The following HHLA1 variants were observed in gnomAD, a reference collection of about 807,000 sequenced individuals.
The protein encoded by HHLA1 is HERV-H LTR-associating protein 1.
Under a neutral mutation model 69.9 loss-of-function variants are expected in HHLA1, and 72 were observed. The ratio of observed to expected loss-of-function variants is 1.03; its 90% CI spans 0.85 to 1.25. The LOEUF (loss-of-function observed/expected upper bound fraction) is 1.25, where lower values mean the gene tolerates loss of function less well. Ranked by LOEUF, HHLA1 falls within the 50% of genes most tolerant of loss-of-function variation. The pLI, the probability that HHLA1 is intolerant of heterozygous loss-of-function variation, is 0.00. For missense variants in HHLA1, 685 were observed against 642.2 expected, an observed-to-expected ratio of 1.07 and a Z score of -0.72; for synonymous variants, 252 against 233.2, an observed-to-expected ratio of 1.08 and a Z score of -0.73.
In HHLA1 at chr8:132,071,244, C is replaced by T. The variant is rs552083933; in HGVS notation, c.1469+96G>A. On this transcript the variant is annotated intron_variant, in intron 15 of 16. Coordinates refer to ENST00000414222, the MANE Select transcript of HHLA1 (RefSeq NM_001145095.3). ...ACCCCTACTGCCTGTCTGTGGATTG[C>T]TTATTGCCTGACTGCCTTGTGGCCT... 136 of 1,114,882 alleles carry T rather than the reference C, an allele frequency of 1.2e-4. No homozygotes were observed. In the African/African-American group the frequency reaches 2.0e-3, roughly 16 times the overall value. The allele number at this position is 1,114,882 out of a possible 1,614,324, so 69.1% of individuals were successfully genotyped here.
intron 1 of HHLA1, among the ~76,000 whole-genome samples, chr8:132,107,776 T>C (rs2130903202): frequency 6.6e-6 from 1 of 152,342 alleles, no homozygotes; most frequent in East Asian, 1.9e-4. Context: ...CCATTTGAAT[T>C]TGAGATAACA....
At chr8:132,105,357 T>A in intron 1 of HHLA1, 71 bp from the exon 2 acceptor site, 1 of 916,064 alleles carries the variant, frequency 1.1e-6, no homozygotes, top group Non-Finnish European at 1.8e-6. Context: ...GAACAGTGCG[T>A]GAGGAATCAT....
chr8:132,073,270 C>T (rs374322657), intron 14 of HHLA1, among the ~76,000 whole-genome samples: 37 of 152,272 alleles, frequency 2.4e-4, no homozygotes, highest in African/African-American at 8.7e-4. Context: ...TAAACCACCA[C>T]ATCTGGCCAG....
chr8:132,081,125 CA>C (rs1280868205), intron 10 of HHLA1: 11 of 141,702 alleles, frequency 7.8e-5, no homozygotes, highest in African/African-American at 2.9e-4. Context: ...GGGATAGCAC[CA>C]GTAGATATCA....
At chr8:132,083,659 C>T (rs531592342) in intron 10 of HHLA1, among the ~76,000 whole-genome samples, 19 of 152,274 alleles carry the variant, frequency 1.2e-4, no homozygotes, top group African/African-American at 3.8e-4. Context: ...TCCCAGGCTG[C>T]GGGCATTCCT....
intron 10 of HHLA1, among the ~76,000 whole-genome samples, chr8:132,082,493 T>C (rs4310188): frequency 0.91 from 137,680 of 152,002 alleles, 62,563 homozygotes; most frequent in Non-Finnish European, 0.93. Flanking sequence ...CAGTCGGACA[T>C]GATTGGCAGG....
chr8:132,079,582 T>C, intron 11 of HHLA1, 136 bp downstream of exon 11: 1 of 941,518 alleles, frequency 1.1e-6, no homozygotes, highest in Non-Finnish European at 1.6e-6. Flanking sequence ...TACAGATCTG[T>C]TATTTAAGTA....
intron 3 of HHLA1, among the ~76,000 whole-genome samples, chr8:132,102,963 C>T (rs1824135100): frequency 6.6e-6 from 1 of 151,978 alleles, no homozygotes; most frequent in African/African-American, 2.4e-5. Flanking sequence ...AAATAAGTTC[C>T]CTGACAGATT....
At chr8:132,099,407 A>G (rs1430588851) in intron 4 of HHLA1, among the ~76,000 whole-genome samples, 2 of 152,202 alleles carry the variant, frequency 1.3e-5, no homozygotes, top group East Asian at 3.8e-4. Flanking sequence ...TTAATTACAC[A>G]ATTCCAGTAC....
intron 10 of HHLA1, 62 bp downstream of exon 10, chr8:132,087,591 T>C: frequency 9.9e-7 from 1 of 1,013,806 alleles, no homozygotes; most frequent in Non-Finnish European, 1.5e-6. Context: ...CAGTCATTAG[T>C]GTGCCAGGTG....
intron 16 of HHLA1, 86 bp downstream of exon 16, chr8:132,065,800 A>G: frequency 3.5e-6 from 2 of 571,858 alleles, no homozygotes; most frequent in South Asian, 3.2e-5. Context: ...CATTCCAAAG[A>G]CATCTGGGAA....
At position 132,098,918 on chromosome 8, in the gene HHLA1, CTG is replaced by C. The variant is rs1256877700; in HGVS notation, c.242_243del (p.Thr81ArgfsTer9). ...RSIDLSALNL[T>X]ELVNGMLSRA... ...CTACTGAGCATCCCATTCACAAGCT[CTG>C]TCAGGTTAAGCGCGGACAGATCGAT... On this transcript the variant is annotated frameshift_variant, in exon 5 of 17. Coordinates refer to ENST00000414222, the MANE Select transcript of HHLA1 (RefSeq NM_001145095.3). LOFTEE classifies it high-confidence loss of function. 2 of 1,551,388 alleles carry C rather than the reference CTG, an allele frequency of 1.3e-6. No homozygotes were observed. Among genetic ancestry groups the C allele is most frequent in the African/African-American group, 1.4e-5 (1 of 73,034 alleles).
intron 14 of HHLA1, among the ~76,000 whole-genome samples, chr8:132,072,717 T>C (rs1823567975): frequency 6.6e-6 from 1 of 152,224 alleles, no homozygotes; most frequent in South Asian, 2.1e-4. Context: ...CTGCGGATTG[T>C]CTGGGTAAAA....
chr8:132,071,307 T>C (rs1563740349), intron 15 of HHLA1, 33 bp downstream of exon 15: 2 of 1,537,054 alleles, frequency 1.3e-6, no homozygotes, highest in Non-Finnish European at 8.8e-7. Context: ...CTATAAATAT[T>C]CCATGTGAAA....
intron 14 of HHLA1, among the ~76,000 whole-genome samples, chr8:132,072,627 A>G (rs566778246): frequency 1.1e-4 from 17 of 152,136 alleles, no homozygotes; most frequent in Non-Finnish European, 2.1e-4. Flanking sequence ...ACCAGGAAAA[A>G]TTATCTAAAA....
chr8:132,076,092 T>G lies in HHLA1; in HGVS notation c.1278A>C (p.Glu426Asp), dbSNP rs554439709. 1 of 1,551,476 alleles carries G rather than the reference T, an allele frequency of 6.4e-7. No homozygotes were observed. Among genetic ancestry groups the G allele is most frequent in the South Asian group, 1.2e-5 (1 of 84,060 alleles). The stretch of plus-strand genomic sequence containing the variant: ...GGGGTCTTGGGACCAGGACTGGCTC[T>G]TCACCAGCAGTGAATGGCCACTCTG... ...LSAEWPFTAG[E>D]EPVLVPRPHQ... Residue 426 changes from glutamate to aspartate, a missense_variant, in exon 14 of 17, where the codon GAA becomes GAC. Transcript: ENST00000414222.
chr8:132,095,641 A>C (rs995833003), intron 6 of HHLA1, 39 bp from the exon 7 acceptor site: 2 of 1,531,134 alleles, frequency 1.3e-6, no homozygotes, highest in Non-Finnish European at 1.8e-6. Context: ...CCTAACACAC[A>C]GACCAGCCCT....
chr8:132,109,468 G>T (rs146231253), intron 1 of HHLA1, among the ~76,000 whole-genome samples: 2 of 152,072 alleles, frequency 1.3e-5, no homozygotes, highest in African/African-American at 4.8e-5. Context: ...TCTAACTTTT[G>T]TTAGTTTAAT....
intron 15 of HHLA1, chr8:132,070,159 G>A: frequency 1.8e-6 from 1 of 549,062 alleles, no homozygotes; most frequent in Non-Finnish European, 3.2e-6. Context: ...AAAGACAGGA[G>A]AGATTGGTAT....
Sources: gnomAD v4.1 joint callset for allele counts (sites outside exome capture counted in the v4.1 genomes callset) on GRCh38, gnomAD v4.1.1 for gene constraint, MANE v1.5 for transcripts, NCBI Gene and HGNC (gene_info 2026-07-23, HGNC 2026-07-21) for gene names.